PLEKHA5: variants seen among roughly 807,000 people sequenced by gnomAD.
PLEKHA5 encodes pleckstrin homology domain-containing family A member 5.
In PLEKHA5, 55 loss-of-function variants were observed where a neutral mutation model predicts 181.9. The observed-to-expected ratio is 0.30, with a 90% confidence interval of 0.24 to 0.38. The LOEUF is 0.38. Ranked by LOEUF, PLEKHA5 falls within the 10% of genes least tolerant of loss-of-function variation. PLEKHA5 has a pLI of 1.00. For missense variants in PLEKHA5, 1,432 were observed against 1,549.5 expected (o/e 0.92, Z 1.27); for synonymous variants, 535 against 529.4 (o/e 1.01, Z -0.15).
intron 3 of PLEKHA5, among the ~76,000 whole-genome samples, chr12:19,208,958 A>G (rs183437031): frequency 1.5e-4 from 23 of 152,286 alleles, no homozygotes; most frequent in African/African-American, 5.3e-4. Flanking sequence ...TGAATATGCA[A>G]TTCAGAGAGA....
chr12:19,276,274 G>A (rs919979121), intron 11 of PLEKHA5, among the ~76,000 whole-genome samples: 1 of 152,146 alleles, frequency 6.6e-6, no homozygotes, highest in African/African-American at 2.4e-5. Flanking sequence ...ATAATAAATT[G>A]GAGAAAGTTC....
Position 19,334,829 on chromosome 12 carries a change from AATATATAT to A in PLEKHA5, c.2449-1653_2449-1646del, listed in dbSNP as rs56763101. ...AAATCCTGTCTTCACAAAAAAAAAA[AATATATAT>A]ATATATATATATATATATATATATA... On this transcript the variant is annotated intron_variant, in intron 20 of 31. Transcript: ENST00000429027. Among the ~76,000 whole-genome samples, 32 of 18,600 alleles carry A rather than the reference AATATATAT, an allele frequency of 1.7e-3. 1 individual carries two copies. The highest frequency in any genetic ancestry group is 3.5e-3 in the East Asian group (3 of 846). 12.2% of individuals were successfully genotyped at this position (18,600 alleles called of 152,430 possible). A position where few individuals can be genotyped will look rare whatever the true frequency, so the allele number is the denominator to read the frequency against.
At chr12:19,310,364 CT>C (rs2086012676) in intron 15 of PLEKHA5, among the ~76,000 whole-genome samples, 1 of 152,108 alleles carries the variant, frequency 6.6e-6, no homozygotes, top group African/African-American at 2.4e-5. Flanking sequence ...AATCCCAGCA[CT>C]TTGGGAGGCC....
chr12:19,289,720 CT>C (rs1318369477), intron 13 of PLEKHA5, among the ~76,000 whole-genome samples: 1 of 152,088 alleles, frequency 6.6e-6, no homozygotes. Context: ...AAAAAAGGTT[CT>C]CTTCTTTTCC....
At chr12:19,195,919 A>T (rs191362274) in intron 3 of PLEKHA5, among the ~76,000 whole-genome samples, 1 of 152,064 alleles carries the variant, frequency 6.6e-6, no homozygotes, top group Non-Finnish European at 1.5e-5. Flanking sequence ...GCCATTCTCT[A>T]TTGACTATTC....
At chr12:19,211,202 C>T (rs189646380) in intron 3 of PLEKHA5, among the ~76,000 whole-genome samples, 1 of 152,036 alleles carries the variant, frequency 6.6e-6, no homozygotes, top group Admixed American at 6.6e-5. Flanking sequence ...TAACACATAC[C>T]CTGCCCCCAC....
chr12:19,357,033 A>ATCTG (rs59591423), intron 26 of PLEKHA5, among the ~76,000 whole-genome samples: 4 of 151,786 alleles, frequency 2.6e-5, no homozygotes, highest in African/African-American at 9.7e-5. Flanking sequence ...GAAAGAAAAT[A>ATCTG]GAGGTGTTTG....
chr12:19,214,944 G>A (rs749715105), intron 3 of PLEKHA5, among the ~76,000 whole-genome samples: 6 of 152,070 alleles, frequency 3.9e-5, no homozygotes, highest in Non-Finnish European at 2.9e-5. Flanking sequence ...TTGGGAGGCC[G>A]AGGTGGGCGG....
intron 20 of PLEKHA5, among the ~76,000 whole-genome samples, chr12:19,327,698 G>A (rs375622604): frequency 6.8e-6 from 1 of 148,136 alleles, no homozygotes; most frequent in Admixed American, 6.8e-5. Flanking sequence ...AGGCTAGAGT[G>A]CAGTGGCGCG....
intron 15 of PLEKHA5, among the ~76,000 whole-genome samples, chr12:19,311,947 A>G (rs1592444440): frequency 6.6e-6 from 1 of 152,208 alleles, no homozygotes; most frequent in East Asian, 1.9e-4. Flanking sequence ...CATTTCCTAA[A>G]TAATAGTAAT....
intron 21 of PLEKHA5, 38 bp from the exon 22 acceptor site, chr12:19,343,285 T>C: frequency 1.6e-6 from 2 of 1,223,976 alleles, no homozygotes; most frequent in Non-Finnish European, 2.3e-6. Context: ...GTGAATGATT[T>C]TTTTTCTTAT....
intron 3 of PLEKHA5, 23 bp downstream of exon 3, chr12:19,132,473 T>A: frequency 7.9e-7 from 1 of 1,263,920 alleles, no homozygotes; most frequent in South Asian, 1.2e-5. Context: ...ACTTTCATTT[T>A]TTTCCTTCGT....
At chr12:19,192,807 G>GTA (rs1488234791) in intron 3 of PLEKHA5, among the ~76,000 whole-genome samples, 3 of 152,276 alleles carry the variant, frequency 2.0e-5, no homozygotes, top group African/African-American at 7.2e-5. Flanking sequence ...GAGGCATGTG[G>GTA]TACTAAGCTT....
chr12:19,274,924 G>A lies in PLEKHA5; in HGVS notation c.1254G>A (p.Gln418=). The A allele has an allele frequency of 6.2e-6, 10 of 1,613,502 alleles. No individual in the cohort carries two copies. Among genetic ancestry groups the A allele is most frequent in the Non-Finnish European group, 8.5e-6 (10 of 1,180,002 alleles). ...TCATACAGAGAACAAATTCAATGCA[G>A]CAGTTGGAACAGTGGATTAAAATCC... ...DRVIQRTNSM[Q]QLEQWIKIQK... is the part of the protein sequence containing the mutation. Residue 418 remains glutamine (Q), a synonymous_variant, in exon 11 of 32, where the codon CAG becomes CAA. Coordinates refer to ENST00000429027, the MANE Select transcript of PLEKHA5 (RefSeq NM_001256470.2).
intron 28 of PLEKHA5, among the ~76,000 whole-genome samples, chr12:19,361,207 G>T (rs1040486973): frequency 1.3e-5 from 2 of 151,754 alleles, no homozygotes; most frequent in Non-Finnish European, 1.5e-5. Context: ...GTTTTGAGAC[G>T]GAGTCTCGCT....
chr12:19,319,811 A>C (rs955526412), intron 16 of PLEKHA5: 9 of 373,104 alleles, frequency 2.4e-5, no homozygotes, highest in Middle Eastern at 7.4e-4. Context: ...TTTAACCAAA[A>C]TGTACTGGGC....
chr12:19,238,069 G>A (rs1052287377), intron 3 of PLEKHA5, among the ~76,000 whole-genome samples: 15 of 151,842 alleles, frequency 9.9e-5, no homozygotes, highest in African/African-American at 1.4e-4. Flanking sequence ...TCTTTTAGAA[G>A]AATTTCCAAA....
intron 26 of PLEKHA5, among the ~76,000 whole-genome samples, chr12:19,354,951 C>T (rs1414204510): frequency 3.9e-5 from 6 of 152,080 alleles, no homozygotes; most frequent in African/African-American, 1.4e-4. Context: ...AGAATTTTCT[C>T]GATGAGAGGT....
rs1359018256 is a variant in PLEKHA5, at chr12:19,215,253, G to C, written c.228-38687G>C. On this transcript the variant is annotated intron_variant, in intron 3 of 31. Coordinates refer to ENST00000429027, the MANE Select transcript of PLEKHA5 (RefSeq NM_001256470.2). ...CTTTTGCACTACTTGGAACTTCCTT[G>C]TCAGTTTAAGCTGGTTTAGGTTAGC... Among the ~76,000 whole-genome samples the C allele has an allele frequency of 2.0e-5, 3 of 151,834 alleles. No individual in the cohort carries two copies. The South Asian group carries it at 6.2e-4, about 31-fold the overall frequency.
Sources: allele counts gnomAD v4.1 joint callset (sites outside exome capture counted in the v4.1 genomes callset), GRCh38; gene constraint gnomAD v4.1.1; transcripts MANE v1.5; gene names NCBI Gene and HGNC (gene_info 2026-07-23, HGNC 2026-07-21).